UTRN: variants seen among roughly 807,000 people sequenced by gnomAD.
UTRN encodes the protein utrophin.
A neutral mutation model predicts 463.9 loss-of-function variants in UTRN; 283 were observed. The ratio of observed to expected loss-of-function variants is 0.61; its 90% CI spans 0.55 to 0.67. The LOEUF is 0.67. Among genes scored for constraint, UTRN ranks in the 30% least tolerant of loss-of-function variants. The pLI is 0.00. For missense variants in UTRN, 3,922 were observed against 4,084.3 expected (o/e 0.96, Z 1.08); for synonymous variants, 1,442 against 1,431.5 (o/e 1.01, Z -0.17).
chr6:144,606,596 G>A (rs945625734), intron 51 of UTRN, among the ~76,000 whole-genome samples: 1 of 152,148 alleles, frequency 6.6e-6, no homozygotes, highest in African/African-American at 2.4e-5. Context: ...GGGTCTTAAA[G>A]CAGTATTTCC....
intron 51 of UTRN, among the ~76,000 whole-genome samples, chr6:144,602,887 A>G (rs1387140068): frequency 1.3e-5 from 2 of 152,212 alleles, no homozygotes; most frequent in African/African-American, 2.4e-5. Context: ...ACATAATGCT[A>G]TTGCACACTT....
chr6:144,428,437 T>A (rs928903702), intron 7 of UTRN, among the ~76,000 whole-genome samples: 3 of 150,910 alleles, frequency 2.0e-5, no homozygotes, highest in African/African-American at 2.4e-5. Context: ...TTTTTTTTTT[T>A]ACTTTCTTAT....
chr6:144,436,120 C>T lies in UTRN; in HGVS notation c.1041C>T (p.Asp347=). 6.2e-7 allele frequency: 1 copy of T among 1,613,832 alleles called. No homozygotes were observed. Among genetic ancestry groups the T allele is most frequent in the Non-Finnish European group, 8.5e-7 (1 of 1,180,002 alleles). ...CTGATGATGTTGAAGAAGTCAAAGA[C>T]CAGTTTGCAACCCATGAAGTAAATA... ...DISDDVEEVK[D]QFATHEAFMM... The change falls in exon 10 of 75, where the codon GAC becomes GAT. Residue 347 remains aspartate (D), a synonymous_variant. Transcript: ENST00000367545.
intron 2 of UTRN, chr6:144,398,104 TG>T: frequency 4.0e-6 from 1 of 251,120 alleles, no homozygotes. Flanking sequence ...GAAAGATGAC[TG>T]GGAAGTAGAT....
intron 64 of UTRN, among the ~76,000 whole-genome samples, chr6:144,802,814 T>G (rs1777817230): frequency 6.6e-6 from 1 of 152,206 alleles, no homozygotes; most frequent in Admixed American, 6.5e-5. Flanking sequence ...ATTCTTTTCT[T>G]GCCTATCATT....
At chr6:144,433,528 G>A (rs1317005563) in intron 9 of UTRN, among the ~76,000 whole-genome samples, 1 of 127,618 alleles carries the variant, frequency 7.8e-6, no homozygotes, top group Non-Finnish European at 1.7e-5. Flanking sequence ...CGGGCAGAGG[G>A]GCTCCTCACT....
chr6:144,761,667 TAATA>T (rs1329380966), intron 58 of UTRN, among the ~76,000 whole-genome samples: 2 of 151,620 alleles, frequency 1.3e-5, no homozygotes, highest in East Asian at 1.9e-4. Context: ...ATAATAATAA[TAATA>T]AATAAAGAGA....
intron 74 of UTRN, 91 bp from the exon 75 acceptor site, chr6:144,850,898 A>G: frequency 1.3e-6 from 2 of 1,555,348 alleles, no homozygotes; most frequent in South Asian, 2.2e-5. Flanking sequence ...TCTTGAAAGA[A>G]GCACTTTTAT....
intron 2 of UTRN, among the ~76,000 whole-genome samples, chr6:144,349,097 C>T (rs1162737920): frequency 2.6e-5 from 4 of 152,124 alleles, no homozygotes; most frequent in Non-Finnish European, 5.9e-5. Context: ...CAAGCTCCTC[C>T]TCCCGGGTTC....
At position 144,793,954 on chromosome 6, in the gene UTRN, G is replaced by A. The variant is rs747218480; in HGVS notation, c.9041G>A (p.Ser3014Asn). Residue 3014 changes from serine to asparagine, a missense_variant, in exon 63 of 75, where the codon AGT (serine) becomes AAT (asparagine). By Grantham distance (46) the Ser-to-Asn change is conservative. Transcript: ENST00000367545. ...QLGEVAAFGGSNIEPSVRSCF... is the reference protein window; with the variant it reads ...QLGEVAAFGGNNIEPSVRSCF... ...GGTGAAGTAGCAGCTTTTGGAGGCA[G>A]TAATATTGAGCCTAGTGTTCGCAGC... 15 of 1,614,056 alleles carry A rather than the reference G, an allele frequency of 9.3e-6. No homozygotes were observed. Among genetic ancestry groups the A allele is most frequent in the Non-Finnish European group, 1.3e-5 (15 of 1,179,966 alleles).
chr6:144,448,790 T>G (rs1352745925), intron 17 of UTRN, 21 bp downstream of exon 17: 11 of 1,610,804 alleles, frequency 6.8e-6, no homozygotes, highest in African/African-American at 1.3e-5. Context: ...ATAGAGAAAT[T>G]GTTCAAATCC....
intron 51 of UTRN, among the ~76,000 whole-genome samples, chr6:144,631,695 C>T (rs1776541607): frequency 6.6e-6 from 1 of 152,108 alleles, no homozygotes; most frequent in Admixed American, 6.5e-5. Context: ...ATCGGTTCTC[C>T]TCTCATTTAC....
At chr6:144,787,100 G>A (rs1776359141) in intron 61 of UTRN, among the ~76,000 whole-genome samples, 2 of 152,146 alleles carry the variant, frequency 1.3e-5, no homozygotes, top group African/African-American at 4.8e-5. Context: ...TTTCCCTGTA[G>A]GGATCACTTT....
chr6:144,366,578 T>C (rs538293577), intron 2 of UTRN, among the ~76,000 whole-genome samples: 9 of 152,358 alleles, frequency 5.9e-5, no homozygotes, highest in Admixed American at 3.9e-4. Flanking sequence ...AATAACATGA[T>C]CTCATTCTAT....
rs1426380527 is a variant in UTRN, at chr6:144,577,400, T to G, written c.7479+112T>G. On this transcript the variant is annotated intron_variant, in intron 51 of 74. Transcript: ENST00000367545. ...GTGAAGTTGTCACTTTATTCTCTTA[T>G]GAAATCCGTGCTCTCCTGTGAATAA... 6.5e-6 allele frequency: 7 copies of G among 1,084,380 alleles called. No individual in the cohort carries two copies. In the East Asian group the frequency reaches 1.8e-4, roughly 28 times the overall value. 67.2% of individuals were successfully genotyped at this position (1,084,380 alleles called of 1,614,324 possible). A position where few individuals can be genotyped will look rare whatever the true frequency, so the allele number is the denominator to read the frequency against.
At chr6:144,444,186 T>C in intron 13 of UTRN, 95 bp from the exon 14 acceptor site, 3 of 1,001,668 alleles carry the variant, frequency 3.0e-6, no homozygotes, top group Non-Finnish European at 2.9e-6. Flanking sequence ...TGTTATTCTA[T>C]AATAAAGAAC....
At chr6:144,745,476 ACT>A (rs1790620614) in intron 54 of UTRN, among the ~76,000 whole-genome samples, 1 of 151,162 alleles carries the variant, frequency 6.6e-6, no homozygotes, top group African/African-American at 2.4e-5. Flanking sequence ...GCACTGGGAA[ACT>A]CTTATTTTGA....
At chr6:144,488,474 T>G (rs926904709) in intron 29 of UTRN, among the ~76,000 whole-genome samples, 199 bp from the exon 30 acceptor site, 8 of 152,164 alleles carry the variant, frequency 5.3e-5, no homozygotes, top group Admixed American at 5.2e-4. Flanking sequence ...GAAGTAATAA[T>G]TAGTAATTCA....
chr6:144,633,260 T>C (rs974501905), intron 51 of UTRN, among the ~76,000 whole-genome samples: 3 of 150,016 alleles, frequency 2.0e-5, no homozygotes, highest in East Asian at 3.9e-4. Flanking sequence ...GACGGAGTCT[T>C]GCTCTGTCAC....
Sources: allele counts gnomAD v4.1 joint callset (sites outside exome capture counted in the v4.1 genomes callset), GRCh38; gene constraint gnomAD v4.1.1; transcripts MANE v1.5; gene names NCBI Gene and HGNC (gene_info 2026-07-23, HGNC 2026-07-21).